The following DLG2 variants were observed in gnomAD, a reference collection of about 807,000 sequenced individuals.
DLG2 encodes the protein discs large MAGUK scaffold protein 2, also known as disks large homolog 2.
DLG2 carries 45 observed loss-of-function variants against 132.5 expected under a neutral mutation model. The observed-to-expected ratio is 0.34, with a 90% CI of 0.27 to 0.44. DLG2 has a LOEUF of 0.44. DLG2 is among the 20% of genes least tolerant of loss of function. The pLI is 1.00. For synonymous variants in DLG2, 424 were observed against 419.6 expected (o/e 1.01, Z -0.13); for missense variants, 1,045 against 1,196.9 (o/e 0.87, Z 1.87).
intron 4 of DLG2, among the ~76,000 whole-genome samples, chr11:85,272,912 A>T (rs1272917913): frequency 6.6e-6 from 1 of 152,186 alleles, no homozygotes; most frequent in Non-Finnish European, 1.5e-5. Context: ...AGAGATATAG[A>T]CCAATGAAAC....
chr11:85,519,426 G>A (rs961608960), intron 3 of DLG2, among the ~76,000 whole-genome samples: 8 of 152,150 alleles, frequency 5.3e-5, no homozygotes, highest in African/African-American at 1.4e-4. Context: ...CCTGGATTTC[G>A]GACTTGCATG....
intron 19 of DLG2, among the ~76,000 whole-genome samples, chr11:83,551,581 A>C (rs993659906): frequency 4.6e-5 from 7 of 152,112 alleles, no homozygotes; most frequent in African/African-American, 1.4e-4. Context: ...CCCAATACTG[A>C]GTTTGTTACT....
intron 6 of DLG2, among the ~76,000 whole-genome samples, chr11:84,567,296 C>A (rs868266601): frequency 6.6e-6 from 1 of 152,100 alleles, no homozygotes; most frequent in Non-Finnish European, 1.5e-5. Flanking sequence ...TCTGAAAATT[C>A]AAATTACTGT....
intron 9 of DLG2, among the ~76,000 whole-genome samples, chr11:84,114,496 G>A (rs911441487): frequency 6.6e-6 from 1 of 152,142 alleles, no homozygotes; most frequent in African/African-American, 2.4e-5. Flanking sequence ...TTGAGGAGGG[G>A]AGGATGGAGA....
At chr11:85,591,702 AC>A (rs1381103776) in intron 3 of DLG2, among the ~76,000 whole-genome samples, 6 of 152,206 alleles carry the variant, frequency 3.9e-5, no homozygotes, top group Non-Finnish European at 5.9e-5. Context: ...AGATCAAGCC[AC>A]TGCACTCCAG....
At chr11:85,492,821 T>C (rs552969400) in intron 3 of DLG2, among the ~76,000 whole-genome samples, 1 of 152,204 alleles carries the variant, frequency 6.6e-6, no homozygotes, top group South Asian at 2.1e-4. Context: ...TGAGGTATAA[T>C]GAGTAGCTCA....
At chr11:84,334,524 C>T (rs2098475051) in intron 7 of DLG2, among the ~76,000 whole-genome samples, 1 of 152,192 alleles carries the variant, frequency 6.6e-6, no homozygotes, top group Admixed American at 6.5e-5. Flanking sequence ...ATTTTCAATT[C>T]TCAAAGGTAG....
At chr11:85,388,109 G>A (rs185116165) in intron 3 of DLG2, among the ~76,000 whole-genome samples, 26 of 152,250 alleles carry the variant, frequency 1.7e-4, no homozygotes, top group Non-Finnish European at 2.9e-4. Context: ...GGGGTGTGGG[G>A]GCCACAGTGG....
At chr11:84,207,418 A>G (rs1057175402) in intron 8 of DLG2, among the ~76,000 whole-genome samples, 7 of 152,114 alleles carry the variant, frequency 4.6e-5, no homozygotes, top group African/African-American at 1.4e-4. Context: ...TTACTAAGAC[A>G]GTATGGTATT....
intron 3 of DLG2, among the ~76,000 whole-genome samples, chr11:85,520,325 T>A (rs2074195069): frequency 6.6e-6 from 1 of 151,874 alleles, no homozygotes; most frequent in Non-Finnish European, 1.5e-5. Flanking sequence ...CGATAAAACA[T>A]TGATGAAGGA....
At chr11:84,626,061 C>T (rs1461183054) in intron 6 of DLG2, among the ~76,000 whole-genome samples, 2 of 151,998 alleles carry the variant, frequency 1.3e-5, no homozygotes, top group Non-Finnish European at 2.9e-5. Flanking sequence ...TATTGAGGAC[C>T]GACTCTTTTG....
chr11:84,792,570 A>G (rs1396918124), intron 6 of DLG2, among the ~76,000 whole-genome samples: 1 of 151,814 alleles, frequency 6.6e-6, no homozygotes, highest in Non-Finnish European at 1.5e-5. Flanking sequence ...TCTTTATGGG[A>G]GACTTTTAAT....
intron 4 of DLG2, among the ~76,000 whole-genome samples, chr11:85,231,698 T>A (rs1018899043): frequency 6.6e-6 from 1 of 151,908 alleles, no homozygotes; most frequent in Non-Finnish European, 1.5e-5. Flanking sequence ...CTTTATCCTA[T>A]CAAGACTTCT....
chr11:84,152,344 G>GTTTGT (rs774324367), intron 9 of DLG2, among the ~76,000 whole-genome samples: 3 of 145,924 alleles, frequency 2.1e-5, no homozygotes, highest in Admixed American at 6.8e-5. Flanking sequence ...TTGTTTGTTT[G>GTTTGT]TTTTTTCTGA....
intron 4 of DLG2, among the ~76,000 whole-genome samples, chr11:85,240,611 G>T (rs1018405504): frequency 6.6e-6 from 1 of 151,678 alleles, no homozygotes. Context: ...GGAAGCTGAG[G>T]ATCCACCTTT....
chr11:85,543,146 T>A (rs1438247413), intron 3 of DLG2, among the ~76,000 whole-genome samples: 1 of 152,076 alleles, frequency 6.6e-6, no homozygotes, highest in African/African-American at 2.4e-5. Context: ...TAGGCCCCCA[T>A]CCTCAACAGG....
At chr11:84,154,366 A>C (rs1053318670) in intron 9 of DLG2, among the ~76,000 whole-genome samples, 4 of 152,160 alleles carry the variant, frequency 2.6e-5, no homozygotes, top group Non-Finnish European at 5.9e-5. Flanking sequence ...AAGATACATA[A>C]AGTGAAAGCA....
rs542314445 is a variant in DLG2, at chr11:84,544,889, G to A, written c.358-10158C>T. On this transcript the variant is annotated intron_variant, in intron 6 of 27. Transcript: ENST00000376104. ...AAGTGAATTTTTCACACAGCAAAAA[G>A]TCTTTGGTGGAATGCTCTTCACTTC... 8.5e-4 allele frequency among the ~76,000 whole-genome samples: 130 copies of A among 152,270 alleles called. 1 individual carries two copies. The highest frequency in any genetic ancestry group is 2.9e-3 in the African/African-American group (120 of 41,566).
intron 7 of DLG2, among the ~76,000 whole-genome samples, chr11:84,350,174 T>TCCCC (rs34820095): frequency 1.2e-5 from 1 of 81,930 alleles, no homozygotes; most frequent in South Asian, 4.2e-4. Context: ...AGAGACTTCG[T>TCCCC]CCCCCCCCCC....
Sources: allele counts gnomAD v4.1 joint callset (sites outside exome capture counted in the v4.1 genomes callset), GRCh38; gene constraint gnomAD v4.1.1; transcripts MANE v1.5; gene names NCBI Gene and HGNC (gene_info 2026-07-23, HGNC 2026-07-21).